The following TTC23 variants were observed in gnomAD, a reference collection of about 807,000 sequenced individuals.
TTC23 encodes tetratricopeptide repeat domain 23.
A neutral mutation model predicts 55.1 loss-of-function variants in TTC23; 58 were observed. That is an observed-to-expected ratio of 1.05 (90% confidence interval 0.85 to 1.31). The LOEUF is 1.31. TTC23 is among the 50% of genes most tolerant of loss of function. The probability of loss-of-function intolerance (pLI) is 0.00; values close to 1 mark genes in which losing one functional copy is unlikely to be tolerated. For synonymous variants in TTC23, 203 were observed against 199.9 expected (o/e 1.02, Z -0.13); for missense variants, 516 against 534.4 (o/e 0.97, Z 0.34).
At chr15:99,150,253 G>A (rs868978189) in intron 12 of TTC23, among the ~76,000 whole-genome samples, 2 of 152,168 alleles carry the variant, frequency 1.3e-5, no homozygotes, top group African/African-American at 2.4e-5. Flanking sequence ...AGAAAACTGA[G>A]TCCTCTTGTC....
At chr15:99,237,288 T>C (rs950368863) in intron 3 of TTC23, among the ~76,000 whole-genome samples, 2 of 152,136 alleles carry the variant, frequency 1.3e-5, no homozygotes, top group Non-Finnish European at 2.9e-5. Context: ...AGCCAATTCC[T>C]AAGTATTTAC....
At chr15:99,138,576 G>A (rs2151821122) in intron 13 of TTC23, among the ~76,000 whole-genome samples, 1 of 152,324 alleles carries the variant, frequency 6.6e-6, no homozygotes, top group South Asian at 2.1e-4. Context: ...GCCTCCCAAG[G>A]TGCTGGGATT....
intron 9 of TTC23, among the ~76,000 whole-genome samples, chr15:99,179,891 T>C (rs568904824): frequency 6.6e-6 from 1 of 152,360 alleles, no homozygotes; most frequent in South Asian, 2.1e-4. Context: ...GCAAAGGACG[T>C]TGACAATGCT....
At chr15:99,211,084 G>A (rs915309191) in intron 8 of TTC23, among the ~76,000 whole-genome samples, 6 of 152,094 alleles carry the variant, frequency 3.9e-5, no homozygotes, top group South Asian at 4.1e-4. Flanking sequence ...AAGGAAATAA[G>A]AATATACAGG....
rs369643719 is a variant in TTC23, at chr15:99,205,072, T to C, written c.582-4976A>G. 9.9e-5 allele frequency among the ~76,000 whole-genome samples: 15 copies of C among 152,242 alleles called. No homozygotes were observed. In the East Asian group the frequency reaches 1.2e-3, roughly 12 times the overall value. ...AAGACACTATCTTTCTCCCAGTGTA[T>C]GTTCTTGGCACCTTTGTAAAAAATG... On this transcript the variant is annotated intron_variant, in intron 8 of 13. Coordinates refer to ENST00000394132, the MANE Select transcript of TTC23 (RefSeq NM_001288615.3).
intron 3 of TTC23, among the ~76,000 whole-genome samples, chr15:99,238,580 T>C (rs951392521): frequency 2.6e-4 from 40 of 152,050 alleles, no homozygotes; most frequent in Non-Finnish European, 4.3e-4. Flanking sequence ...GGCTTGGAAG[T>C]GGGAAAGTGA....
chr15:99,162,708 T>A (rs547446942), intron 10 of TTC23, among the ~76,000 whole-genome samples: 2 of 152,116 alleles, frequency 1.3e-5, no homozygotes, highest in Non-Finnish European at 2.9e-5. Context: ...CCCCTGTGGT[T>A]ATGGATGGAA....
chr15:99,204,058 G>A (rs2076414138), intron 8 of TTC23, among the ~76,000 whole-genome samples: 1 of 152,126 alleles, frequency 6.6e-6, no homozygotes, highest in South Asian at 2.1e-4. Flanking sequence ...TTAGTTTTCT[G>A]AGGAACTTCC....
chr15:99,213,814 C>T (rs2077229877), intron 8 of TTC23, among the ~76,000 whole-genome samples: 1 of 152,164 alleles, frequency 6.6e-6, no homozygotes, highest in Non-Finnish European at 1.5e-5. Flanking sequence ...TAGGCTGTTT[C>T]CAACTCTTGG....
Position 99,199,928 on chromosome 15 carries a change from G to A in TTC23, c.750C>T (p.His250=). The stretch of plus-strand genomic sequence containing the variant: ...GGACCTTGTAGCTTACCTGGAGGAA[G>A]TGGTTGATGGATACATCGTGGAGTC... ...ALGLHDVSIN[H]FLQAHLIILS... Residue 250 remains histidine (H), a synonymous_variant, in exon 9 of 14, where the codon CAC becomes CAT. Transcript: ENST00000394132. 6.2e-7 allele frequency: 1 copy of A among 1,610,944 alleles called. No homozygotes were observed. The highest frequency in any genetic ancestry group is 8.5e-7 in the Non-Finnish European group (1 of 1,178,618).
chr15:99,219,723 C>T (rs920445805), intron 6 of TTC23, among the ~76,000 whole-genome samples: 1 of 152,192 alleles, frequency 6.6e-6, no homozygotes. Context: ...GGACTGAGAT[C>T]GCTAGCACGG....
intron 4 of TTC23, among the ~76,000 whole-genome samples, chr15:99,229,900 G>T (rs904888188): frequency 2.0e-5 from 3 of 152,122 alleles, no homozygotes; most frequent in African/African-American, 7.2e-5. Context: ...GATCAAAAAA[G>T]TAAGACCTAA....
At chr15:99,158,364 AGAT>A (rs2070894495) in intron 11 of TTC23, 1 of 152,254 alleles carries the variant, frequency 6.6e-6, no homozygotes, top group African/African-American at 2.4e-5. Context: ...TCCCTTTCCC[AGAT>A]AAAGCTTTGG....
At chr15:99,152,430 G>A (rs1436566416) in intron 12 of TTC23, among the ~76,000 whole-genome samples, 5 of 152,156 alleles carry the variant, frequency 3.3e-5, no homozygotes, top group Non-Finnish European at 7.3e-5. Flanking sequence ...AGGCTGGAGT[G>A]CAGTGGCATG....
intron 10 of TTC23, among the ~76,000 whole-genome samples, chr15:99,169,012 TC>T: frequency 6.6e-6 from 1 of 152,272 alleles, no homozygotes; most frequent in East Asian, 1.9e-4. Context: ...TAGGGTGACT[TC>T]CAGAAGTTTC....
chr15:99,214,207 G>A (rs1235884671), intron 8 of TTC23, among the ~76,000 whole-genome samples: 1 of 151,966 alleles, frequency 6.6e-6, no homozygotes, highest in East Asian at 1.9e-4. Flanking sequence ...TCAAATTCCT[G>A]GGCTCAAGAG....
At chr15:99,229,848 G>A (rs1052282831) in intron 4 of TTC23, among the ~76,000 whole-genome samples, 7 of 152,178 alleles carry the variant, frequency 4.6e-5, no homozygotes, top group African/African-American at 1.4e-4. Flanking sequence ...CAGTAGAGGC[G>A]ATAATTAGCT....
chr15:99,206,925 G>A (rs1300708606), intron 8 of TTC23, among the ~76,000 whole-genome samples: 1 of 151,874 alleles, frequency 6.6e-6, no homozygotes, highest in Non-Finnish European at 1.5e-5. Flanking sequence ...CTACTTTTTG[G>A]AGGTAAGCAT....
intron 8 of TTC23, among the ~76,000 whole-genome samples, chr15:99,211,074 A>G (rs2076998591): frequency 6.6e-6 from 1 of 152,172 alleles, no homozygotes; most frequent in Non-Finnish European, 1.5e-5. Context: ...AATCAAGCTT[A>G]AGGAAATAAG....
Sources: gnomAD v4.1 joint callset for allele counts (sites outside exome capture counted in the v4.1 genomes callset) on GRCh38, gnomAD v4.1.1 for gene constraint, MANE v1.5 for transcripts, NCBI Gene and HGNC (gene_info 2026-07-23, HGNC 2026-07-21) for gene names.